Variants in AGO2 observed in about 807,000 individuals in gnomAD.
The protein encoded by AGO2 is protein argonaute-2.
In AGO2, 5 loss-of-function variants were observed where a neutral mutation model predicts 102.3. The observed-to-expected ratio is 0.05, with a 90% CI of 0.03 to 0.10. The LOEUF is 0.10. Among genes scored for constraint, AGO2 ranks in the 10% least tolerant of loss-of-function variants. The pLI is 1.00. For missense variants in AGO2, 541 were observed against 1,183.7 expected (o/e 0.46, Z 7.97); for synonymous variants, 449 against 473.1 (o/e 0.95, Z 0.66).
intron 1 of AGO2, among the ~76,000 whole-genome samples, chr8:140,596,788 G>A (rs961375631): frequency 4.6e-5 from 7 of 152,198 alleles, no homozygotes; most frequent in East Asian, 3.9e-4. Context: ...GGGAGGAGTC[G>A]GTGGAGCAGC....
intron 1 of AGO2, among the ~76,000 whole-genome samples, chr8:140,595,750 TAATTGTATATACAATTATATTATATAC>T (rs1420276686): frequency 0.011 from 492 of 46,206 alleles, 3 homozygotes; most frequent in African/African-American, 0.023. Context: ...ATATTATATA[TAATTGTATATACAATTATATTATATAC>T]AATTGTATAT....
chr8:140,564,375 G>T (rs539089974), intron 3 of AGO2, among the ~76,000 whole-genome samples: 32 of 152,110 alleles, frequency 2.1e-4, no homozygotes, highest in African/African-American at 7.2e-4. Context: ...TGGGTTGGGG[G>T]TACAGGATGT....
At position 140,567,262 on chromosome 8, in the gene AGO2, C is replaced by T. The variant is rs1254000781; in HGVS notation, c.337-4628G>A. Among the ~76,000 whole-genome samples, 1 of 152,240 alleles carries T rather than the reference C, an allele frequency of 6.6e-6. No homozygotes were observed. The highest frequency in any genetic ancestry group is 1.5e-5 in the Non-Finnish European group (1 of 68,040). ...ACGTCCACAGTGGCTGGCTGGTGCT[C>T]GTGTGTGGCAGCTTAGGGCTGCATG... On this transcript the variant is annotated intron_variant, in intron 3 of 18. Coordinates refer to ENST00000220592, the MANE Select transcript of AGO2 (RefSeq NM_012154.5). The surrounding 1 kb of genome is among the most constrained non-coding windows in gnomAD (Gnocchi z 5.0).
intron 2 of AGO2, among the ~76,000 whole-genome samples, chr8:140,583,190 T>C (rs1004360998): frequency 3.3e-5 from 5 of 152,246 alleles, no homozygotes; most frequent in Admixed American, 1.3e-4. Flanking sequence ...CTAGGACTTA[T>C]AGCAGCAGCC....
chr8:140,549,362 A>C, intron 11 of AGO2, 64 bp from the exon 12 acceptor site: 1 of 1,483,864 alleles, frequency 6.7e-7, no homozygotes, highest in Non-Finnish European at 9.1e-7. Flanking sequence ...GGCCGACCAG[A>C]GGCTCTAACA....
intron 2 of AGO2, among the ~76,000 whole-genome samples, chr8:140,577,345 G>A (rs2073483341): frequency 6.6e-6 from 1 of 152,176 alleles, no homozygotes; most frequent in Non-Finnish European, 1.5e-5. Context: ...CAGAATGCAG[G>A]TCTGTGTTTG....
At chr8:140,564,373 G>A (rs768053757) in intron 3 of AGO2, among the ~76,000 whole-genome samples, 12 of 151,990 alleles carry the variant, frequency 7.9e-5, no homozygotes, top group Non-Finnish European at 1.6e-4. Flanking sequence ...CCTGGGTTGG[G>A]GGTACAGGAT....
At chr8:140,634,684 C>T (rs556149618) in intron 1 of AGO2, among the ~76,000 whole-genome samples, 26 of 152,334 alleles carry the variant, frequency 1.7e-4, no homozygotes, top group African/African-American at 6.0e-4. Flanking sequence ...TACAGGAATC[C>T]ACCTCGCCTC....
Position 140,567,330 on chromosome 8 carries a change from A to G in AGO2, c.337-4696T>C, listed in dbSNP as rs990150066. 3.9e-5 allele frequency among the ~76,000 whole-genome samples: 6 copies of G among 152,206 alleles called. No individual in the cohort carries two copies. Among genetic ancestry groups the G allele is most frequent in the Non-Finnish European group, 7.4e-5 (5 of 68,022 alleles). On this transcript the variant is annotated intron_variant, in intron 3 of 18. Coordinates refer to ENST00000220592, the MANE Select transcript of AGO2 (RefSeq NM_012154.5). This position sits in a 1 kb window ranked among gnomAD's most constrained non-coding sequence, Gnocchi z 5.0. ...ATCACGCCACGAGGGCAGGAGGCAC[A>G]TGGCTCTCCAAGGGACAGGCACCGT...
Position 140,532,539 on chromosome 8 carries a change from G to C in AGO2, c.2348C>G (p.Thr783Ser). ...CACGTAGGTGTGACACAGCTGGTAG[G>C]TTAGGATCTGCAGCTCATCAGAGGA... ...RFSSDELQIL[T>S]YQLCHTYVRC... The change falls in exon 18 of 19, where the codon ACC (threonine) becomes AGC (serine). Residue 783 changes from threonine (T) to serine (S), a missense_variant. Around this residue, in one of 6 missense-constraint regions of AGO2, gnomAD observed 309 missense variants for 735.1 expected, o/e 0.42. Transcript: ENST00000220592. 1 of 1,614,286 alleles carries C rather than the reference G, an allele frequency of 6.2e-7. No homozygotes were observed. The highest frequency in any genetic ancestry group is 8.5e-7 in the Non-Finnish European group (1 of 1,180,054).
rs568945096 is a variant in AGO2 at position 140,598,783 on chromosome 8, T to C, written c.23-13472A>G. On this transcript the variant is annotated intron_variant, in intron 1 of 18. Coordinates refer to ENST00000220592, the MANE Select transcript of AGO2 (RefSeq NM_012154.5). Reference sequence around the variant, plus strand: ...CCCAACAGGGCAGAATTACCTTAAATGGCACAAGACAATTGTACAGCAGAC... The same window carrying C: ...CCCAACAGGGCAGAATTACCTTAAACGGCACAAGACAATTGTACAGCAGAC... Among the ~76,000 whole-genome samples the C allele has an allele frequency of 3.3e-5, 5 of 152,314 alleles. No individual in the cohort carries two copies. In the East Asian group the frequency reaches 9.7e-4, roughly 29 times the overall value.
At chr8:140,544,653 G>A (rs79990505) in intron 13 of AGO2, among the ~76,000 whole-genome samples, 1,528 of 152,164 alleles carry the variant, frequency 0.01, 63 homozygotes, top group East Asian at 0.06. Flanking sequence ...GTTTCTCACC[G>A]CCACCCTTAG....
intron 3 of AGO2, 44 bp downstream of exon 3, chr8:140,572,768 C>T (rs1312648350): frequency 1.9e-6 from 3 of 1,591,272 alleles, no homozygotes; most frequent in South Asian, 2.3e-5. Flanking sequence ...GTGAGCTTTA[C>T]TTCACCGTAT....
rs1050722847 is a variant in AGO2, at chr8:140,523,185, A to G, written c.*8859T>C. On this transcript the variant is annotated 3_prime_UTR_variant, in exon 19 of 19. Coordinates refer to ENST00000220592, the MANE Select transcript of AGO2 (RefSeq NM_012154.5). ...ACATGGTTCCACTGTACAGGTAGAA[A>G]CAAGCCCACAGACAATACATAGAGT... is the stretch of plus-strand genomic sequence containing the variant. 6.6e-6 allele frequency: 1 copy of G among 152,206 alleles called. No homozygotes were observed. The highest frequency in any genetic ancestry group is 2.4e-5 in the African/African-American group (1 of 41,426). 9.4% of individuals were successfully genotyped at this position (152,206 alleles called of 1,614,324 possible). A position where few individuals can be genotyped will look rare whatever the true frequency, so the allele number is the denominator to read the frequency against.
At chr8:140,546,155 T>C (rs938605709) in intron 13 of AGO2, among the ~76,000 whole-genome samples, 1 of 152,176 alleles carries the variant, frequency 6.6e-6, no homozygotes. Flanking sequence ...TCTGGATTGG[T>C]CTTCGCTCAT....
At chr8:140,554,973 C>T (rs1328307480) in intron 10 of AGO2, among the ~76,000 whole-genome samples, 1 of 152,116 alleles carries the variant, frequency 6.6e-6, no homozygotes, top group Admixed American at 6.6e-5. Context: ...ACTCACTGCG[C>T]CCAGCTCAGA....
intron 3 of AGO2, among the ~76,000 whole-genome samples, chr8:140,563,429 C>A (rs1405030334): frequency 6.6e-6 from 1 of 152,164 alleles, no homozygotes; most frequent in African/African-American, 2.4e-5. Flanking sequence ...AGAGATGGAG[C>A]TTCACCATGT....
intron 10 of AGO2, among the ~76,000 whole-genome samples, chr8:140,554,613 G>T (rs959238055): frequency 2.6e-5 from 4 of 152,094 alleles, no homozygotes; most frequent in African/African-American, 9.7e-5. Context: ...ACTGAGAACT[G>T]GGAAAAAAGA....
chr8:140,627,770 C>T (rs1375464642), intron 1 of AGO2, among the ~76,000 whole-genome samples: 2 of 152,206 alleles, frequency 1.3e-5, no homozygotes, highest in African/African-American at 4.8e-5. Flanking sequence ...TTCACAGCAA[C>T]ATGGAACCAC....
Sources: gnomAD v4.1 joint callset for allele counts (sites outside exome capture counted in the v4.1 genomes callset) on GRCh38, gnomAD v4.1.1 for gene constraint, gnomAD v4.1.1 regional missense constraint, Gnocchi (gnomAD v3.1) non-coding constraint, MANE v1.5 for transcripts, NCBI Gene and HGNC (gene_info 2026-07-23, HGNC 2026-07-21) for gene names.